Variants in AVPI1 observed in about 807,000 individuals in gnomAD.
AVPI1 encodes the protein arginine vasopressin-induced protein 1.
In AVPI1, 9 loss-of-function variants were observed where a neutral mutation model predicts 11.9. The observed-to-expected ratio is 0.76, with a 90% CI of 0.46 to 1.32. The LOEUF (loss-of-function observed/expected upper bound fraction) is 1.32, where lower values mean the gene tolerates loss of function less well. Ranked by LOEUF, AVPI1 falls within the 40% of genes most tolerant of loss-of-function variation. AVPI1 has a pLI of 0.00. For synonymous variants in AVPI1, 68 were observed against 78.1 expected, an observed-to-expected ratio of 0.87 and a Z score of 0.68; for missense variants, 207 against 195.8, an observed-to-expected ratio of 1.06 and a Z score of -0.34.
At chr10:97,679,528 G>C (rs2041691338) in intron 2 of AVPI1, 91 bp downstream of exon 2, 1 of 1,435,228 alleles carries the variant, frequency 7.0e-7, no homozygotes, top group Non-Finnish European at 9.3e-7. Context: ...TTTACAGTGA[G>C]GCCAAGTAAC....
chr10:97,678,932 T>TTTTCAGA (rs2041684344), intron 2 of AVPI1, among the ~76,000 whole-genome samples: 1 of 22,156 alleles, frequency 4.5e-5, no homozygotes, highest in African/African-American at 1.5e-4. Flanking sequence ...TGTGTGTGTG[T>TTTTCAGA]GTGTGTGTGT....
chr10:97,678,935 G>C, intron 2 of AVPI1, among the ~76,000 whole-genome samples: 1 of 47,168 alleles, frequency 2.1e-5, no homozygotes, highest in African/African-American at 9.2e-5. Context: ...GTGTGTGTGT[G>C]TGTGTGTGTG....
intron 2 of AVPI1, among the ~76,000 whole-genome samples, chr10:97,678,690 A>G (rs2041679354): frequency 6.6e-6 from 1 of 151,648 alleles, no homozygotes; most frequent in South Asian, 2.1e-4. Flanking sequence ...GGCTTAAAAA[A>G]AAAAAAAAAA....
At chr10:97,684,745 C>A (rs2041720866) in intron 1 of AVPI1, among the ~76,000 whole-genome samples, 1 of 152,058 alleles carries the variant, frequency 6.6e-6, no homozygotes, top group Non-Finnish European at 1.5e-5. Flanking sequence ...AGTGATCCAC[C>A]CACCTCATCC....
intron 1 of AVPI1, among the ~76,000 whole-genome samples, chr10:97,684,726 C>A (rs998152655): frequency 3.9e-5 from 6 of 152,032 alleles, no homozygotes; most frequent in African/African-American, 1.5e-4. Context: ...TCTTGAACTC[C>A]CGACCTCAAG....
At position 97,678,965 on chromosome 10, in the gene AVPI1, G is replaced by C. The variant is rs1339811104; in HGVS notation, c.287+654C>G. ...TGTGTGTGTGTGTGTGTGTGTGTGT[G>C]TGTGTGTGTGTGTGTGTGTGTGTGT... On this transcript the variant is annotated intron_variant, in intron 2 of 2. Transcript: ENST00000370626. 2.6e-4 allele frequency among the ~76,000 whole-genome samples: 20 copies of C among 78,324 alleles called. 1 individual carries two copies. Among genetic ancestry groups the C allele is most frequent in the South Asian group, 1.0e-3 (2 of 1,976 alleles). The allele number at this position is 78,324 out of a possible 152,430, so 51.4% of individuals were successfully genotyped here. A position where few individuals can be genotyped will look rare whatever the true frequency, so the allele number is the denominator to read the frequency against.
chr10:97,681,831 T>C (rs966341511), intron 1 of AVPI1, among the ~76,000 whole-genome samples: 6 of 147,936 alleles, frequency 4.1e-5, no homozygotes, highest in Admixed American at 1.3e-4. Flanking sequence ...TGAGCCGAGA[T>C]TGCGCCACTG....
chr10:97,685,514 G>C (rs1222137793), intron 1 of AVPI1, among the ~76,000 whole-genome samples: 1 of 152,190 alleles, frequency 6.6e-6, no homozygotes, highest in Non-Finnish European at 1.5e-5. Flanking sequence ...CCTCATGCAG[G>C]AGGAGGCCCC....
intron 2 of AVPI1, among the ~76,000 whole-genome samples, 193 bp from the exon 3 acceptor site, chr10:97,678,218 GT>G (rs2041677169): frequency 6.6e-6 from 1 of 152,184 alleles, no homozygotes; most frequent in Admixed American, 6.5e-5. Flanking sequence ...AGTAGAAAGG[GT>G]TGGACCAGAT....
In AVPI1 at chr10:97,677,858, C is replaced by G. The variant is rs367737358; in HGVS notation, c.*11G>C. The G allele has an allele frequency of 3.1e-6, 5 of 1,613,526 alleles. No homozygotes were observed. In the African/African-American group the frequency reaches 6.7e-5, roughly 22 times the overall value. ...AGGGAAGACACTGCCATTCCTGGCTCTTTCCCTGGATCAGTGTCTGATCTG... is the reference window on the plus strand; with the variant it reads ...AGGGAAGACACTGCCATTCCTGGCTGTTTCCCTGGATCAGTGTCTGATCTG... On this transcript the variant is annotated 3_prime_UTR_variant, in exon 3 of 3. Transcript: ENST00000370626.
intron 2 of AVPI1, among the ~76,000 whole-genome samples, chr10:97,679,313 T>C (rs182895604): frequency 1.3e-5 from 2 of 151,896 alleles, no homozygotes; most frequent in East Asian, 3.9e-4. Context: ...CCCAGCTAAT[T>C]TTTGTAATTT....
At position 97,677,752 on chromosome 10, in the gene AVPI1, G is replaced by T; in HGVS notation, c.*117C>A. 8.0e-7 allele frequency: 1 copy of T among 1,255,918 alleles called. No individual in the cohort carries two copies. The highest frequency in any genetic ancestry group is 1.1e-6 in the Non-Finnish European group (1 of 901,618). 77.8% of individuals were successfully genotyped at this position (1,255,918 alleles called of 1,614,324 possible). A position where few individuals can be genotyped will look rare whatever the true frequency, so the allele number is the denominator to read the frequency against. On this transcript the variant is annotated 3_prime_UTR_variant, in exon 3 of 3. Coordinates refer to ENST00000370626, the MANE Select transcript of AVPI1 (RefSeq NM_021732.3). ...TTCTGAATGGAGCAGGTCAGTGGCAGCAGCCTCTTGCTTTCATTTACCCCT... is the reference window on the plus strand; with the variant it reads ...TTCTGAATGGAGCAGGTCAGTGGCATCAGCCTCTTGCTTTCATTTACCCCT...
rs1440593384 is a variant in AVPI1, at chr10:97,677,933, G to A, written c.380C>T (p.Ala127Val). 2 of 1,614,040 alleles carry A rather than the reference G, an allele frequency of 1.2e-6. No individual in the cohort carries two copies. The highest frequency in any genetic ancestry group is 2.2e-5 in the East Asian group (1 of 44,900). The change falls in exon 3 of 3, where the codon GCC (alanine) becomes GTC (valine). Residue 127 changes from alanine (A) to valine (V), a missense_variant. By Grantham distance (64) the Ala-to-Val change is moderately conservative. Coordinates refer to ENST00000370626, the MANE Select transcript of AVPI1 (RefSeq NM_021732.3). The part of the protein sequence containing the change: ...EQYLHSRKKS[A>V]RIRRNWRKSG... ...CTTCCTCCAGTTCCGGCGGATCCTG[G>A]CACTTTTCTTCCTAGAGTGCAGATA...
Position 97,687,052 on chromosome 10 carries a change from C to T in AVPI1, c.-297G>A, listed in dbSNP as rs2041734444. 6.6e-6 allele frequency: 1 copy of T among 152,480 alleles called. No homozygotes were observed. The highest frequency in any genetic ancestry group is 1.9e-4 in the East Asian group (1 of 5,182). The allele number at this position is 152,480 out of a possible 1,614,324, so 9.4% of individuals were successfully genotyped here. On this transcript the variant is annotated 5_prime_UTR_variant, in exon 1 of 3. Transcript: ENST00000370626. ...CTGGCGGTCGCGTCCCGCTGGCACCCCGGCTCTGACTGTCGCCCTCCGGCT... is the reference window on the plus strand; with the variant it reads ...CTGGCGGTCGCGTCCCGCTGGCACCTCGGCTCTGACTGTCGCCCTCCGGCT...
Position 97,678,036 on chromosome 10 carries a change from C to T in AVPI1, c.288-11G>A, listed in dbSNP as rs757119007. 2 of 1,612,166 alleles carry T rather than the reference C, an allele frequency of 1.2e-6. No individual in the cohort carries two copies. Among genetic ancestry groups the T allele is most frequent in the Admixed American group, 1.7e-5 (1 of 59,750 alleles). On this transcript the variant is annotated splice_polypyrimidine_tract_variant and intron_variant, in intron 2 of 2. Coordinates refer to ENST00000370626, the MANE Select transcript of AVPI1 (RefSeq NM_021732.3). ...TGGGGCTCCAGGATTCTGCAGAGAA[C>T]AAGTGTATGATTAGCCAACATCAAT...
At chr10:97,683,213 A>C (rs967964470) in intron 1 of AVPI1, among the ~76,000 whole-genome samples, 1 of 151,972 alleles carries the variant, frequency 6.6e-6, no homozygotes, top group Non-Finnish European at 1.5e-5. Flanking sequence ...GTTGGAGTGC[A>C]GTGTTGCAAT....
intron 2 of AVPI1, among the ~76,000 whole-genome samples, chr10:97,678,860 C>T (rs1421493417): frequency 7.1e-6 from 1 of 141,644 alleles, no homozygotes; most frequent in Non-Finnish European, 1.5e-5. Flanking sequence ...GCTAATTTCT[C>T]TTTTTTTTGG....
chr10:97,686,040 T>A (rs1372342806), intron 1 of AVPI1, among the ~76,000 whole-genome samples: 1 of 152,166 alleles, frequency 6.6e-6, no homozygotes, highest in Non-Finnish European at 1.5e-5. Flanking sequence ...CCCAGCACTT[T>A]GGGAGGCTGA....
intron 2 of AVPI1, 96 bp from the exon 3 acceptor site, chr10:97,678,121 T>C (rs1436398865): frequency 1.5e-6 from 2 of 1,376,348 alleles, no homozygotes; most frequent in African/African-American, 1.4e-5. Flanking sequence ...AAACATATGA[T>C]TTGGAGCAAA....
Sources: gnomAD v4.1 joint callset for allele counts (sites outside exome capture counted in the v4.1 genomes callset) on GRCh38, gnomAD v4.1.1 for gene constraint, MANE v1.5 for transcripts, NCBI Gene and HGNC (gene_info 2026-07-23, HGNC 2026-07-21) for gene names.